TTC7A: variants seen among roughly 807,000 people sequenced by gnomAD.
TTC7A encodes tetratricopeptide repeat domain 7A, also known as tetratricopeptide repeat protein 7A.
TTC7A carries 110 observed loss-of-function variants against 103.7 expected under a neutral mutation model. That is an observed-to-expected ratio of 1.06 (90% CI 0.91 to 1.24). The LOEUF (loss-of-function observed/expected upper bound fraction) is 1.24, where lower values mean the gene tolerates loss of function less well. TTC7A is among the 50% of genes most tolerant of loss of function. The pLI is 0.00. For synonymous variants in TTC7A, 521 were observed against 467.9 expected, an observed-to-expected ratio of 1.11 and a Z score of -1.47; for missense variants, 1,340 against 1,116.3, an observed-to-expected ratio of 1.20 and a Z score of -2.86.
intron 19 of TTC7A, among the ~76,000 whole-genome samples, chr2:47,071,732 C>A (rs541598658): frequency 1.3e-5 from 2 of 152,332 alleles, no homozygotes; most frequent in East Asian, 3.9e-4. Flanking sequence ...ACCTCCGAAA[C>A]TGAGAATACA....
chr2:47,028,613 A>C (rs998577112), intron 14 of TTC7A, among the ~76,000 whole-genome samples: 1 of 152,198 alleles, frequency 6.6e-6, no homozygotes, highest in African/African-American at 2.4e-5. Context: ...GGCCACATCC[A>C]AATCCAGACC....
At chr2:46,928,459 TAAAAAAA>T (rs35897582) in intron 2 of TTC7A, among the ~76,000 whole-genome samples, 2,303 of 82,006 alleles carry the variant, frequency 0.028, 57 homozygotes, top group African/African-American at 0.084. Context: ...AAAGGGAAAT[TAAAAAAA>T]AAAAAAAAAA....
At chr2:47,024,718 C>A (rs1387308093) in intron 14 of TTC7A, among the ~76,000 whole-genome samples, 4 of 152,074 alleles carry the variant, frequency 2.6e-5, no homozygotes, top group Non-Finnish European at 5.9e-5. Context: ...TGGGCAGGCT[C>A]ATGGAGCTGT....
intron 15 of TTC7A, among the ~76,000 whole-genome samples, chr2:47,034,909 G>A (rs1045190903): frequency 9.2e-5 from 14 of 152,180 alleles, no homozygotes; most frequent in Non-Finnish European, 1.9e-4. Flanking sequence ...CAGAGCACGT[G>A]CCTGTAAACA....
intron 15 of TTC7A, among the ~76,000 whole-genome samples, chr2:47,030,810 G>A (rs988691554): frequency 2.0e-5 from 3 of 152,126 alleles, no homozygotes; most frequent in African/African-American, 4.8e-5. Context: ...TTTTATGTTC[G>A]TGGCCGGCCC....
Position 46,956,881 on chromosome 2 carries a change from C to T in TTC7A, c.391C>T (p.His131Tyr). ...CEAMLILGKL[H>Y]YVEGSYRDAI... ...GGCCATGCTGATCCTGGGCAAACTG[C>T]ATTACGTGGAGGGCTCATACCGAGA... Residue 131 changes from histidine to tyrosine, a missense_variant, in exon 3 of 20, where the codon CAT (histidine) becomes TAT (tyrosine). Coordinates refer to ENST00000319190, the MANE Select transcript of TTC7A (RefSeq NM_020458.4). 3.1e-6 allele frequency: 5 copies of T among 1,614,180 alleles called. No individual in the cohort carries two copies. Among genetic ancestry groups the T allele is most frequent in the Non-Finnish European group, 4.2e-6 (5 of 1,180,048 alleles).
At chr2:46,979,180 C>A (rs1364298458) in intron 5 of TTC7A, among the ~76,000 whole-genome samples, 1 of 152,074 alleles carries the variant, frequency 6.6e-6, no homozygotes, top group Non-Finnish European at 1.5e-5. Context: ...GTGGGCATTT[C>A]AAGAGGGGAG....
At chr2:46,957,052 T>A (rs1443637732) in intron 3 of TTC7A, 45 bp downstream of exon 3, 1 of 1,608,958 alleles carries the variant, frequency 6.2e-7, no homozygotes, top group African/African-American at 1.3e-5. Flanking sequence ...TGTGTGCAGC[T>A]CGTTGCACTC....
At chr2:47,015,264 A>G (rs184747613) in intron 11 of TTC7A, among the ~76,000 whole-genome samples, 4 of 152,356 alleles carry the variant, frequency 2.6e-5, no homozygotes, top group Admixed American at 2.6e-4. Flanking sequence ...GTATCCCTCC[A>G]ATTATTTAAA....
Position 46,975,080 on chromosome 2 carries a change from G to A in TTC7A, c.625G>A (p.Val209Met). Residue 209 changes from valine (V) to methionine (M), a missense_variant, in exon 4 of 20, where the codon GTG becomes ATG. Transcript: ENST00000319190. ...TGAGAGGGCCTCCTGGATCGCTCAG[G>A]TGTTCCTGCAGGAATTGGAGAAGGT... ...CFERASWIAQ[V>M]FLQELEKTTN... The A allele has an allele frequency of 2.5e-6, 4 of 1,613,930 alleles. No individual in the cohort carries two copies. The highest frequency in any genetic ancestry group is 3.4e-6 in the Non-Finnish European group (4 of 1,179,886).
intron 5 of TTC7A, among the ~76,000 whole-genome samples, chr2:46,987,666 A>C (rs1441587903): frequency 6.6e-6 from 1 of 152,132 alleles, no homozygotes; most frequent in Non-Finnish European, 1.5e-5. Flanking sequence ...TTGTTCTTTT[A>C]ATTTTGTTTT....
intron 2 of TTC7A, chr2:46,956,559 G>C (rs927734071): frequency 1.5e-5 from 6 of 404,422 alleles, no homozygotes; most frequent in African/African-American, 1.2e-4. Context: ...ACAGGGCCTA[G>C]TCTGCAAGGT....
At chr2:47,001,256 T>TAA (rs1676773513) in intron 8 of TTC7A, among the ~76,000 whole-genome samples, 1 of 152,166 alleles carries the variant, frequency 6.6e-6, no homozygotes, top group South Asian at 2.1e-4. Flanking sequence ...GAGAGGTTAG[T>TAA]GCTGCCTGTG....
At chr2:47,013,565 G>A (rs986302979) in intron 11 of TTC7A, among the ~76,000 whole-genome samples, 2 of 152,232 alleles carry the variant, frequency 1.3e-5, no homozygotes, top group African/African-American at 4.8e-5. Context: ...CCAGCTCTGA[G>A]GTAGCTGTGG....
intron 3 of TTC7A, among the ~76,000 whole-genome samples, chr2:46,960,872 T>C (rs983022221): frequency 6.6e-6 from 1 of 152,230 alleles, no homozygotes; most frequent in African/African-American, 2.4e-5. Context: ...AGATGAGGAC[T>C]TTCTCCTCTC....
intron 8 of TTC7A, among the ~76,000 whole-genome samples, chr2:47,004,965 A>G (rs559310912): frequency 2.0e-5 from 3 of 152,152 alleles, no homozygotes; most frequent in Non-Finnish European, 2.9e-5. Context: ...AGAGTCCCAC[A>G]TCCTTGATGG....
rs571206473 is a variant in TTC7A at position 46,929,955 on chromosome 2, T to C, written c.82+12678T>C. On this transcript the variant is annotated intron_variant, in intron 2 of 20. Transcript: ENST00000409245. The stretch of plus-strand genomic sequence containing the variant: ...ATGTTTTAGACAGTGGCTGCTTTGC[T>C]AGCTTGAGCCCCAGAGTGAAGAAAT... Among the ~76,000 whole-genome samples, 3 of 152,338 alleles carry C rather than the reference T, an allele frequency of 2.0e-5. No homozygotes were observed. In the East Asian group the frequency reaches 5.8e-4, roughly 29 times the overall value.
chr2:47,001,279 C>T (rs1319272145), intron 8 of TTC7A, among the ~76,000 whole-genome samples: 12 of 152,114 alleles, frequency 7.9e-5, no homozygotes, highest in Admixed American at 5.2e-4. Flanking sequence ...CCTGCAGCCA[C>T]CAAAGGATCA....
chr2:46,944,962 T>G (rs1406095478), intron 1 of TTC7A, among the ~76,000 whole-genome samples: 2 of 152,234 alleles, frequency 1.3e-5, no homozygotes, highest in Non-Finnish European at 2.9e-5. Context: ...TAACTGCATT[T>G]GATTGTTAGG....
Sources: allele counts gnomAD v4.1 joint callset (sites outside exome capture counted in the v4.1 genomes callset), GRCh38; gene constraint gnomAD v4.1.1; transcripts MANE v1.5; gene names NCBI Gene and HGNC (gene_info 2026-07-23, HGNC 2026-07-21).